Variants in CADPS2 observed in about 807,000 individuals in gnomAD.
CADPS2 encodes the protein calcium-dependent secretion activator 2.
In CADPS2, 93 loss-of-function variants were observed where a neutral mutation model predicts 172.5. The ratio of observed to expected loss-of-function variants is 0.54; its 90% confidence interval spans 0.46 to 0.64. The LOEUF is 0.64. CADPS2 is among the 30% of genes least tolerant of loss of function. The pLI is 0.00. For missense variants in CADPS2, 1,420 were observed against 1,565.9 expected, an observed-to-expected ratio of 0.91 and a Z score of 1.57; for synonymous variants, 546 against 555.2, an observed-to-expected ratio of 0.98 and a Z score of 0.23.
intron 8 of CADPS2, among the ~76,000 whole-genome samples, chr7:122,518,579 C>T (rs764843964): frequency 6.6e-5 from 10 of 152,184 alleles, no homozygotes; most frequent in Non-Finnish European, 7.4e-5. Flanking sequence ...GAGAGTACCT[C>T]GGCTAGGTGT....
chr7:122,572,106 T>C (rs1427547443), intron 7 of CADPS2, among the ~76,000 whole-genome samples: 6 of 152,180 alleles, frequency 3.9e-5, no homozygotes, highest in Non-Finnish European at 8.8e-5. Context: ...TTTTCTTCAA[T>C]TTGAAAGCAA....
chr7:122,800,991 CAAAA>C (rs34506571), intron 1 of CADPS2, among the ~76,000 whole-genome samples: 6 of 63,032 alleles, frequency 9.5e-5, no homozygotes, highest in Admixed American at 3.4e-4. Context: ...GACTCTGCCT[CAAAA>C]AAAAAAAAAA....
chr7:122,603,102 T>C (rs149990504), intron 6 of CADPS2, among the ~76,000 whole-genome samples: 16 of 152,236 alleles, frequency 1.1e-4, no homozygotes, highest in Admixed American at 3.3e-4. Flanking sequence ...CCAATGTTGA[T>C]AGAGAATATA....
chr7:122,597,955 T>C (rs1454760466), intron 6 of CADPS2, among the ~76,000 whole-genome samples: 1 of 152,086 alleles, frequency 6.6e-6, no homozygotes, highest in Non-Finnish European at 1.5e-5. Flanking sequence ...CATGGGACAT[T>C]ATTCTAATAA....
intron 14 of CADPS2, among the ~76,000 whole-genome samples, chr7:122,468,638 CT>C (rs1411104439): frequency 1.3e-5 from 2 of 152,034 alleles, no homozygotes; most frequent in African/African-American, 4.8e-5. Flanking sequence ...GTATTTGCCC[CT>C]TTTATGTATG....
intron 2 of CADPS2, among the ~76,000 whole-genome samples, chr7:122,688,674 T>C (rs975599285): frequency 2.6e-5 from 4 of 152,188 alleles, no homozygotes; most frequent in Non-Finnish European, 5.9e-5. Context: ...AGTCCCTATA[T>C]AGTGTCAGCA....
intron 28 of CADPS2, among the ~76,000 whole-genome samples, chr7:122,344,831 A>C (rs1218801032): frequency 6.6e-6 from 1 of 152,306 alleles, no homozygotes; most frequent in South Asian, 2.1e-4. Flanking sequence ...TCTAATGGTG[A>C]CAATTTTTAT....
intron 2 of CADPS2, among the ~76,000 whole-genome samples, chr7:122,699,866 CA>C (rs1163644834): frequency 3.5e-4 from 53 of 152,268 alleles, no homozygotes; most frequent in African/African-American, 1.2e-3. Flanking sequence ...TGGCACAATT[CA>C]TTTTTTAAAA....
intron 2 of CADPS2, among the ~76,000 whole-genome samples, chr7:122,678,528 G>A (rs1471775722): frequency 1.3e-5 from 2 of 152,188 alleles, no homozygotes; most frequent in Non-Finnish European, 2.9e-5. Flanking sequence ...AGGAAATGGG[G>A]AATGTTGACT....
intron 4 of CADPS2, among the ~76,000 whole-genome samples, chr7:122,623,862 C>T (rs1056864589): frequency 6.6e-5 from 10 of 152,280 alleles, no homozygotes; most frequent in Middle Eastern, 3.4e-3. Flanking sequence ...TATACTAACG[C>T]TTTGCTTTCA....
chr7:122,554,562 A>G lies in CADPS2; in HGVS notation c.1463T>C (p.Met488Thr). The change falls in exon 8 of 30, where the codon ATG becomes ACG. Residue 488 changes from methionine to threonine, a missense_variant. Met to Thr is a moderately conservative substitution (Grantham distance 81, BLOSUM62 -1). Coordinates refer to ENST00000449022, the MANE Select transcript of CADPS2 (RefSeq NM_017954.11). The part of the protein sequence containing the change: ...LAVRMDKPAH[M>T]KHSGYLYALG... ...AATTTATACTCACCCACTATGCTTC[A>G]TATGTGCTGGTTTATCCATTCGCAC... 6.3e-7 allele frequency: 1 copy of G among 1,598,930 alleles called. No homozygotes were observed. Among genetic ancestry groups the G allele is most frequent in the Non-Finnish European group, 8.5e-7 (1 of 1,174,798 alleles).
intron 9 of CADPS2, among the ~76,000 whole-genome samples, chr7:122,498,556 A>G (rs2058945435): frequency 6.6e-6 from 1 of 151,862 alleles, no homozygotes; most frequent in Admixed American, 6.6e-5. Context: ...TTTGAGTTCT[A>G]GGCAGCTTCC....
intron 9 of CADPS2, among the ~76,000 whole-genome samples, chr7:122,508,262 T>C (rs1362088386): frequency 6.6e-6 from 1 of 151,914 alleles, no homozygotes; most frequent in African/African-American, 2.4e-5. Context: ...CTCCCACATA[T>C]ATATGAAGAT....
chr7:122,516,045 G>A (rs958183550), intron 8 of CADPS2, among the ~76,000 whole-genome samples: 1 of 152,042 alleles, frequency 6.6e-6, no homozygotes, highest in African/African-American at 2.4e-5. Flanking sequence ...CAGAAAGCAG[G>A]GGGACAGATG....
At chr7:122,882,403 C>T (rs1186268107) in intron 1 of CADPS2, among the ~76,000 whole-genome samples, 2 of 151,982 alleles carry the variant, frequency 1.3e-5, no homozygotes, top group African/African-American at 2.4e-5. Context: ...TTAAAAAATA[C>T]ATAAAAACTC....
chr7:122,644,123 C>T (rs1372148103), intron 3 of CADPS2, among the ~76,000 whole-genome samples: 6 of 151,302 alleles, frequency 4.0e-5, no homozygotes, highest in African/African-American at 7.3e-5. Flanking sequence ...AAGGAACAAA[C>T]GAAGGAAAAG....
intron 6 of CADPS2, among the ~76,000 whole-genome samples, chr7:122,613,196 A>T (rs2074492836): frequency 1.3e-5 from 2 of 152,124 alleles, no homozygotes; most frequent in Admixed American, 1.3e-4. Context: ...AACTTCATCA[A>T]AATTTTGTGT....
At chr7:122,478,433 G>C (rs2056947833) in intron 12 of CADPS2, among the ~76,000 whole-genome samples, 1 of 152,218 alleles carries the variant, frequency 6.6e-6, no homozygotes, top group Non-Finnish European at 1.5e-5. Context: ...TACTGGTGGA[G>C]TTTCTATGGC....
intron 7 of CADPS2, among the ~76,000 whole-genome samples, chr7:122,554,991 A>G (rs1255307309): frequency 6.6e-6 from 1 of 152,082 alleles, no homozygotes; most frequent in Non-Finnish European, 1.5e-5. Context: ...CTCAAGAGAC[A>G]CCCATAATTT....
Sources: gnomAD v4.1 joint callset for allele counts (sites outside exome capture counted in the v4.1 genomes callset) on GRCh38, gnomAD v4.1.1 for gene constraint, MANE v1.5 for transcripts, NCBI Gene and HGNC (gene_info 2026-07-23, HGNC 2026-07-21) for gene names.